TAB2: variants seen among roughly 807,000 people sequenced by gnomAD.
TAB2 encodes TGF-beta activated kinase 1 (MAP3K7) binding protein 2.
A neutral mutation model predicts 65.0 loss-of-function variants in TAB2; 3 were observed. The ratio of observed to expected loss-of-function variants is 0.05; its 90% CI spans 0.02 to 0.12. The LOEUF (loss-of-function observed/expected upper bound fraction) is 0.12, where lower values mean the gene tolerates loss of function less well. Ranked by LOEUF, TAB2 falls within the 10% of genes least tolerant of loss-of-function variation. TAB2 has a pLI of 1.00. For synonymous variants in TAB2, 298 were observed against 285.1 expected, an observed-to-expected ratio of 1.05 and a Z score of -0.46; for missense variants, 623 against 840.3, an observed-to-expected ratio of 0.74 and a Z score of 3.20.
At chr6:149,332,915 T>A (rs1331826798) in intron 1 of TAB2, among the ~76,000 whole-genome samples, 1 of 152,200 alleles carries the variant, frequency 6.6e-6, no homozygotes, top group African/African-American at 2.4e-5. Flanking sequence ...CACAAGTTTT[T>A]TCTGTTGTAA....
intron 1 of TAB2, among the ~76,000 whole-genome samples, chr6:149,322,741 A>G (rs1034646116): frequency 1.3e-5 from 2 of 152,198 alleles, no homozygotes; most frequent in African/African-American, 4.8e-5. Context: ...ATTCCAATTC[A>G]TGTAAATACT....
intron 3 of TAB2, among the ~76,000 whole-genome samples, chr6:149,387,804 T>C (rs925184534): frequency 7.6e-5 from 9 of 118,340 alleles, no homozygotes; most frequent in Non-Finnish European, 9.2e-5. Flanking sequence ...ATTATGTCTC[T>C]TTTTTTTGTC....
intron 1 of TAB2, among the ~76,000 whole-genome samples, chr6:149,293,332 T>C (rs1180886096): frequency 6.6e-6 from 1 of 152,260 alleles, no homozygotes; most frequent in African/African-American, 2.4e-5. Context: ...GGATGATTAG[T>C]AATCTACCTC....
At chr6:149,332,013 A>T (rs1475228313) in intron 1 of TAB2, among the ~76,000 whole-genome samples, 1 of 152,194 alleles carries the variant, frequency 6.6e-6, no homozygotes, top group Non-Finnish European at 1.5e-5. Context: ...CTGTGTGGGA[A>T]GGAATTGCTG....
intron 1 of TAB2, among the ~76,000 whole-genome samples, chr6:149,254,110 G>GGAAGGGA: frequency 7.8e-6 from 1 of 128,602 alleles, no homozygotes. Flanking sequence ...AGGAAGGAAG[G>GGAAGGGA]AAGGACAGGG....
At chr6:149,344,374 A>G (rs1367512692) in intron 1 of TAB2, among the ~76,000 whole-genome samples, 2 of 152,230 alleles carry the variant, frequency 1.3e-5, no homozygotes, top group African/African-American at 4.8e-5. Context: ...CGTAATAGAG[A>G]TGCATACAAC....
chr6:149,226,443 G>A (rs1777279021), intron 1 of TAB2, among the ~76,000 whole-genome samples: 1 of 152,170 alleles, frequency 6.6e-6, no homozygotes, highest in African/African-American at 2.4e-5. Context: ...TCCCTATTCC[G>A]TGGTCAGTCC....
chr6:149,403,364 AC>A (rs1782548597), intron 6 of TAB2, among the ~76,000 whole-genome samples: 1 of 144,666 alleles, frequency 6.9e-6, no homozygotes, highest in Non-Finnish European at 1.5e-5. Flanking sequence ...ACACACACAC[AC>A]ACACACACAT....
At chr6:149,312,931 C>G (rs764076163), upstream of TAB2, among the ~76,000 whole-genome samples, 6 of 152,198 alleles carry the variant, frequency 3.9e-5, no homozygotes, top group Non-Finnish European at 4.4e-5. Flanking sequence ...CATAATAAAT[C>G]TCTTGAACTT....
In TAB2 at chr6:149,339,023, C is replaced by CA. The variant is rs560770064; in HGVS notation, c.-90+21009dup. On this transcript the variant is annotated intron_variant, in intron 1 of 6. Transcript: ENST00000637181. ...GCTGTTTCTGTCTTTTGGACTGGGT[C>CA]AGGACATCAACTCACGTGGGAAGCA... 2.0e-3 allele frequency among the ~76,000 whole-genome samples: 305 copies of CA among 152,272 alleles called. 7 individuals carry two copies. Among genetic ancestry groups the CA allele is most frequent in the Non-Finnish European group, 3.8e-4 (26 of 68,014 alleles).
intron 1 of TAB2, among the ~76,000 whole-genome samples, chr6:149,257,888 A>G (rs564876132): frequency 6.6e-6 from 1 of 152,330 alleles, no homozygotes; most frequent in East Asian, 1.9e-4. Context: ...GGACAGATCA[A>G]CGACGGGTAC....
intron 1 of TAB2, among the ~76,000 whole-genome samples, chr6:149,260,275 C>T (rs777574370): frequency 1.3e-5 from 2 of 152,190 alleles, no homozygotes; most frequent in African/African-American, 2.4e-5. Context: ...GCCAGGTGAC[C>T]GTAACATCCA....
intron 1 of TAB2, among the ~76,000 whole-genome samples, chr6:149,253,617 C>CA (rs1170705031): frequency 0.24 from 15,765 of 65,168 alleles, 2,525 homozygotes; most frequent in African/African-American, 0.36. Flanking sequence ...AAGACTGTCT[C>CA]AAAAAAAAAA....
intron 1 of TAB2, among the ~76,000 whole-genome samples, chr6:149,219,094 C>T (rs1327126445): frequency 1.3e-5 from 2 of 152,188 alleles, no homozygotes; most frequent in South Asian, 4.1e-4. Context: ...ACAATAGTCT[C>T]TGGGGATGAT....
At chr6:149,376,244 T>G (rs570236182) in intron 2 of TAB2, among the ~76,000 whole-genome samples, 1 of 152,322 alleles carries the variant, frequency 6.6e-6, no homozygotes, top group Admixed American at 6.5e-5. Context: ...TTATTCATCT[T>G]AAGTATCAAT....
intron 1 of TAB2, among the ~76,000 whole-genome samples, chr6:149,275,310 A>C (rs1239491451): frequency 1.3e-5 from 2 of 150,596 alleles, no homozygotes; most frequent in Admixed American, 1.3e-4. Context: ...GAGAAAAAAG[A>C]AAAGAGCACA....
chr6:149,394,293 C>T (rs1378883963), intron 3 of TAB2, among the ~76,000 whole-genome samples: 2 of 151,906 alleles, frequency 1.3e-5, no homozygotes, highest in African/African-American at 4.8e-5. Flanking sequence ...TCATGATTTC[C>T]ACCTCTCTCC....
chr6:149,325,292 T>G (rs1779567053), intron 1 of TAB2, among the ~76,000 whole-genome samples: 3 of 152,206 alleles, frequency 2.0e-5, no homozygotes, highest in South Asian at 2.1e-4. Context: ...AACAGGTGAA[T>G]TCTTGTTCTA....
At chr6:149,355,165 T>TA (rs1362737325) in intron 1 of TAB2, among the ~76,000 whole-genome samples, 1 of 152,216 alleles carries the variant, frequency 6.6e-6, no homozygotes, top group African/African-American at 2.4e-5. Flanking sequence ...GTCTCCAATT[T>TA]AAAATTTTCC....
Sources: gnomAD v4.1 joint callset for allele counts (sites outside exome capture counted in the v4.1 genomes callset) on GRCh38, gnomAD v4.1.1 for gene constraint, MANE v1.5 for transcripts, NCBI Gene and HGNC (gene_info 2026-07-23, HGNC 2026-07-21) for gene names.